The following ADGRB2 variants were observed in gnomAD, a reference collection of about 807,000 sequenced individuals.
ADGRB2 encodes brain-specific angiogenesis inhibitor 2.
A neutral mutation model predicts 178.7 loss-of-function variants in ADGRB2; 47 were observed. The observed-to-expected ratio is 0.26, with a 90% CI of 0.21 to 0.34. ADGRB2 has a LOEUF of 0.34. Ranked by LOEUF, ADGRB2 falls within the 10% of genes least tolerant of loss-of-function variation. The pLI, the probability that ADGRB2 is intolerant of heterozygous loss-of-function variation, is 1.00. For missense variants in ADGRB2, 1,584 were observed against 2,180.8 expected, an observed-to-expected ratio of 0.73 and a Z score of 5.45; for synonymous variants, 870 against 912.4, an observed-to-expected ratio of 0.95 and a Z score of 0.84.
intron 4 of ADGRB2, among the ~76,000 whole-genome samples, chr1:31,751,042 C>T (rs1646542367): frequency 6.6e-6 from 1 of 152,150 alleles, no homozygotes; most frequent in Non-Finnish European, 1.5e-5. Flanking sequence ...CAGTTTCTTG[C>T]TGCCATAAAG....
chr1:31,759,171 T>C lies in ADGRB2; in HGVS notation c.-190-1660A>G. The C allele has an allele frequency of 1.4e-6, 1 of 706,148 alleles. No homozygotes were observed. The highest frequency in any genetic ancestry group is 2.6e-6 in the Non-Finnish European group (1 of 377,746). The allele number at this position is 706,148 out of a possible 1,614,324, so 43.7% of individuals were successfully genotyped here. On this transcript the variant is annotated intron_variant, in intron 1 of 32. Transcript: ENST00000373658. The surrounding 1 kb of genome is among the most constrained non-coding windows in gnomAD (Gnocchi z 4.3). ...CACAGGAGTTCTGCATATGAATGGA[T>C]ACATATGTACACGGACATGCACACA...
In ADGRB2 at chr1:31,761,993, C is replaced by G. The variant is rs556915543; in HGVS notation, c.-191+1891G>C. 4.6e-5 allele frequency among the ~76,000 whole-genome samples: 7 copies of G among 150,716 alleles called. No individual in the cohort carries two copies. Among genetic ancestry groups the G allele is most frequent in the Non-Finnish European group, 1.5e-5 (1 of 67,830 alleles). ...GATTAAGTAGCTTGCCCATGTCACA[C>G]AGCTTTTGAACGTAGGTCGTCTGAC... On this transcript the variant is annotated intron_variant, in intron 1 of 32. Transcript: ENST00000373658. The surrounding 1 kb of genome is among the most constrained non-coding windows in gnomAD (Gnocchi z 4.2).
In ADGRB2 at chr1:31,738,915, G is replaced by A. The variant is rs1645779994; in HGVS notation, c.2518C>T (p.Arg840Trp). ...GGGCGCACAGTCACTGTCATCACCC[G>A]GGATGTGACGGCCAGCGGGGGCCTG... ...PPRPPLAVTS[R>W]VMTVTVRPPT... Residue 840 changes from arginine (R) to tryptophan (W), a missense_variant, in exon 16 of 33, where the codon CGG becomes TGG. Arg to Trp is a moderately radical substitution (Grantham distance 101). Coordinates refer to ENST00000373658, the MANE Select transcript of ADGRB2 (RefSeq NM_001364857.2). 2 of 1,613,018 alleles carry A rather than the reference G, an allele frequency of 1.2e-6. No individual in the cohort carries two copies. Among genetic ancestry groups the A allele is most frequent in the Admixed American group, 1.7e-5 (1 of 59,952 alleles).
chr1:31,732,920 AGG>A, intron 26 of ADGRB2, 50 bp downstream of exon 26: 1 of 1,527,848 alleles, frequency 6.5e-7, no homozygotes. Context: ...GGAGAAGCCA[AGG>A]GCCTGGCAGG....
intron 29 of ADGRB2, 23 bp downstream of exon 29, chr1:31,730,776 AC>A: frequency 6.8e-7 from 1 of 1,474,104 alleles, no homozygotes; most frequent in Non-Finnish European, 9.0e-7. Flanking sequence ...TCAGACACAC[AC>A]CCCATTCCCT....
Position 31,740,202 on chromosome 1 carries a change from AG to A in ADGRB2, c.1990-25del. On this transcript the variant is annotated intron_variant, in intron 12 of 32. Transcript: ENST00000373658. The surrounding 1 kb of genome is among the most constrained non-coding windows in gnomAD (Gnocchi z 5.9). ...CGCTGAGGAGAGAGCAATGAGTGGC[AG>A]GGGGTCCTAGCCCCAGGGAACAGGG... is the stretch of plus-strand genomic sequence containing the variant. 1.2e-6 allele frequency: 2 copies of A among 1,613,754 alleles called. No individual in the cohort carries two copies. Among genetic ancestry groups the A allele is most frequent in the African/African-American group, 1.3e-5 (1 of 75,032 alleles).
chr1:31,728,774 T>A lies in ADGRB2; in HGVS notation c.4381-141A>T. On this transcript the variant is annotated intron_variant, in intron 29 of 32. Transcript: ENST00000373658. The surrounding 1 kb of genome is among the most constrained non-coding windows in gnomAD (Gnocchi z 6.7). The stretch of plus-strand genomic sequence containing the variant: ...AACCCAGGCCCAGAAGTTGCGGACC[T>A]TCATGGGGCAGCTTTTCAGGCCTCA... 1.3e-6 allele frequency: 1 copy of A among 791,956 alleles called. No homozygotes were observed. Among genetic ancestry groups the A allele is most frequent in the Non-Finnish European group, 2.1e-6 (1 of 484,400 alleles). The allele number at this position is 791,956 out of a possible 1,614,324, so 49.1% of individuals were successfully genotyped here. A position where few individuals can be genotyped will look rare whatever the true frequency, so the allele number is the denominator to read the frequency against.
Position 31,746,163 on chromosome 1 carries a change from C to T in ADGRB2, c.839-1432G>A, listed in dbSNP as rs57365322. On this transcript the variant is annotated intron_variant, in intron 4 of 32. Coordinates refer to ENST00000373658, the MANE Select transcript of ADGRB2 (RefSeq NM_001364857.2). ...CTGGAGAACAACATTCATTATACTCCGCCCCCAGGACTCACGTGAGGACCC... is the reference window on the plus strand; with the variant it reads ...CTGGAGAACAACATTCATTATACTCTGCCCCCAGGACTCACGTGAGGACCC... Among the ~76,000 whole-genome samples, 33 of 152,290 alleles carry T rather than the reference C, an allele frequency of 2.2e-4. No homozygotes were observed. In the East Asian group the frequency reaches 3.3e-3, roughly 15 times the overall value.
In ADGRB2 at chr1:31,730,830, G is replaced by GGGCACGGTGCGA. The variant is rs1557731839; in HGVS notation, c.4338_4349dup (p.Arg1447_Pro1450dup). Reference sequence around the variant, plus strand: ...GGGAGCCCATCTTCATGGTAGAGCCGGGCACGGTGCGAGGCATGGTCCGGC... The same window carrying GGGCACGGTGCGA: ...GGGAGCCCATCTTCATGGTAGAGCCGGGCACGGTGCGAGGCACGGTGCGAGGCATGGTCCGGC... On this transcript the variant is annotated inframe_insertion, in exon 29 of 33. Coordinates refer to ENST00000373658, the MANE Select transcript of ADGRB2 (RefSeq NM_001364857.2). 1 of 1,515,396 alleles carries GGGCACGGTGCGA rather than the reference G, an allele frequency of 6.6e-7. No homozygotes were observed. The highest frequency in any genetic ancestry group is 8.8e-7 in the Non-Finnish European group (1 of 1,131,900). The allele number at this position is 1,515,396 out of a possible 1,614,324, so 93.9% of individuals were successfully genotyped here. A position where few individuals can be genotyped will look rare whatever the true frequency, so the allele number is the denominator to read the frequency against.
chr1:31,763,471 G>A (rs145894191), intron 1 of ADGRB2, among the ~76,000 whole-genome samples: 1 of 143,570 alleles, frequency 7.0e-6, no homozygotes, highest in African/African-American at 2.5e-5. Flanking sequence ...GAAATAGAGG[G>A]GGAGACACAG....
Position 31,733,590 on chromosome 1 carries a change from G to A in ADGRB2, c.3453-447C>T, listed in dbSNP as rs1472162893. Reference sequence around the variant, plus strand: ...ACAACCACAGTGAGAGAACGCATGCGACAGAGACACCCAGACAGAAAGATT... The same window carrying A: ...ACAACCACAGTGAGAGAACGCATGCAACAGAGACACCCAGACAGAAAGATT... On this transcript the variant is annotated intron_variant, in intron 25 of 32. Transcript: ENST00000373658. The surrounding 1 kb of genome is among the most constrained non-coding windows in gnomAD (Gnocchi z 4.3). Among the ~76,000 whole-genome samples, 2 of 152,168 alleles carry A rather than the reference G, an allele frequency of 1.3e-5. No individual in the cohort carries two copies. Among genetic ancestry groups the A allele is most frequent in the African/African-American group, 2.4e-5 (1 of 41,406 alleles).
Position 31,727,320 on chromosome 1 carries a change from G to A in ADGRB2, c.*100C>T. 8 of 1,385,724 alleles carry A rather than the reference G, an allele frequency of 5.8e-6. No individual in the cohort carries two copies. The highest frequency in any genetic ancestry group is 7.6e-6 in the Non-Finnish European group (8 of 1,054,232). The allele number at this position is 1,385,724 out of a possible 1,614,324, so 85.8% of individuals were successfully genotyped here. On this transcript the variant is annotated 3_prime_UTR_variant, in exon 33 of 33. Coordinates refer to ENST00000373658, the MANE Select transcript of ADGRB2 (RefSeq NM_001364857.2). The surrounding 1 kb of genome is among the most constrained non-coding windows in gnomAD (Gnocchi z 4.4). ...ACGGCGCCTCCCTGCCCAGCCCTCG[G>A]GAGAGGGGAGAGGGCGCTGGCTCCT...
Position 31,728,037 on chromosome 1 carries a change from C to G in ADGRB2, c.4560G>C (p.Arg1520=), listed in dbSNP as rs759843986. The change falls in exon 32 of 33, where the codon CGG becomes CGC. Residue 1520 remains arginine, a synonymous_variant. Coordinates refer to ENST00000373658, the MANE Select transcript of ADGRB2 (RefSeq NM_001364857.2). The surrounding 1 kb of genome is among the most constrained non-coding windows in gnomAD (Gnocchi z 6.7). ...CGGGGGGACTCACGGTGCACACGCT[C>G]CGCTCGGCTGCCCCACCCGAGGACA... ...WSVSSGGAAE[R]SVCTDKPSPG... is the part of the protein sequence containing the mutation. 1.3e-6 allele frequency: 2 copies of G among 1,576,028 alleles called. No individual in the cohort carries two copies. The highest frequency in any genetic ancestry group is 1.7e-6 in the Non-Finnish European group (2 of 1,164,966).
In ADGRB2 at chr1:31,735,774, C is replaced by T. The variant is rs1645572074; in HGVS notation, c.3267+53G>A. 1.3e-6 allele frequency: 2 copies of T among 1,591,922 alleles called. No homozygotes were observed. The highest frequency in any genetic ancestry group is 8.6e-7 in the Non-Finnish European group (1 of 1,166,562). The stretch of plus-strand genomic sequence containing the variant: ...CGCAGGGAGGAGGTAGAGGGAGAAA[C>T]AGGATGACCCTCTGGGGCCATGCCC... On this transcript the variant is annotated intron_variant, in intron 23 of 32. Coordinates refer to ENST00000373658, the MANE Select transcript of ADGRB2 (RefSeq NM_001364857.2). The surrounding 1 kb of genome is among the most constrained non-coding windows in gnomAD (Gnocchi z 6.0).
rs1269628783 is a variant in ADGRB2, at chr1:31,755,065, G to A, written c.838+934C>T. ...TGGGGAAACTGAGGCCCAGAGAGAG[G>A]AGAGGCCTCCCTGTCGGTACCAGAG... On this transcript the variant is annotated intron_variant, in intron 4 of 32. Transcript: ENST00000373658. This position sits in a 1 kb window ranked among gnomAD's most constrained non-coding sequence, Gnocchi z 5.1. Among the ~76,000 whole-genome samples the A allele has an allele frequency of 1.3e-5, 2 of 152,306 alleles. No homozygotes were observed. Among genetic ancestry groups the A allele is most frequent in the East Asian group, 3.9e-4 (2 of 5,182 alleles).
intron 20 of ADGRB2, among the ~76,000 whole-genome samples, 191 bp downstream of exon 20, chr1:31,737,238 T>C (rs1248734885): frequency 6.6e-6 from 1 of 152,146 alleles, no homozygotes; most frequent in Non-Finnish European, 1.5e-5. Flanking sequence ...AGTTCCTCAC[T>C]TGAGTACACA....
rs549475563 is a variant in ADGRB2 at position 31,727,178 on chromosome 1, G to A, written c.*242C>T. The A allele has an allele frequency of 4.5e-3, 2,109 of 471,118 alleles. 9 individuals carry two copies. The highest frequency in any genetic ancestry group is 5.9e-3 in the Non-Finnish European group (1,605 of 272,010). The allele number at this position is 471,118 out of a possible 1,614,324, so 29.2% of individuals were successfully genotyped here. ...TCCCCCCTCCCCAGCCCGGGACAGGGACGGACAGGCTGGGCTGAAGATGGG... is the reference window on the plus strand; with the variant it reads ...TCCCCCCTCCCCAGCCCGGGACAGGAACGGACAGGCTGGGCTGAAGATGGG... On this transcript the variant is annotated 3_prime_UTR_variant, in exon 33 of 33. Coordinates refer to ENST00000373658, the MANE Select transcript of ADGRB2 (RefSeq NM_001364857.2). This position sits in a 1 kb window ranked among gnomAD's most constrained non-coding sequence, Gnocchi z 4.4.
rs940459602 is a variant in ADGRB2 at position 31,744,323 on chromosome 1, G to A, written c.957C>T (p.Ser319=). 1.9e-5 allele frequency: 29 copies of A among 1,550,960 alleles called. No homozygotes were observed. Among genetic ancestry groups the A allele is most frequent in the Non-Finnish European group, 2.4e-5 (28 of 1,146,906 alleles). The part of the protein sequence containing the change: ...DPAAEEWSPW[S]VCSLTCGQGL... The stretch of plus-strand genomic sequence containing the variant: ...CCTGCCCACACGTCAGGGAACACAC[G>A]CTCCACGGGGACCACTCCTCAGCCG... The change falls in exon 6 of 33, where the codon AGC becomes AGT. Residue 319 remains serine (S), a synonymous_variant. Coordinates refer to ENST00000373658, the MANE Select transcript of ADGRB2 (RefSeq NM_001364857.2). The surrounding 1 kb of genome is among the most constrained non-coding windows in gnomAD (Gnocchi z 6.7).
intron 7 of ADGRB2, among the ~76,000 whole-genome samples, chr1:31,742,503 C>G (rs1646031185): frequency 1.3e-5 from 2 of 152,210 alleles, no homozygotes; most frequent in Admixed American, 1.3e-4. Flanking sequence ...GCAGGGGTGT[C>G]TTCTGATCTT....
Sources: allele counts gnomAD v4.1 joint callset (sites outside exome capture counted in the v4.1 genomes callset), GRCh38; gene constraint gnomAD v4.1.1; non-coding constraint Gnocchi (gnomAD v3.1); transcripts MANE v1.5; gene names NCBI Gene and HGNC (gene_info 2026-07-23, HGNC 2026-07-21).